Variants in RAD52 observed in about 807,000 individuals in gnomAD.
RAD52 encodes RAD52 DNA repair protein.
A neutral mutation model predicts 55.5 loss-of-function variants in RAD52; 47 were observed. The ratio of observed to expected loss-of-function variants is 0.85; its 90% confidence interval spans 0.67 to 1.08. The LOEUF is 1.08. RAD52 is among the 50% of genes least tolerant of loss of function. The pLI is 0.00. For missense variants in RAD52, 468 were observed against 522.8 expected (o/e 0.90, Z 1.02); for synonymous variants, 184 against 198.9 (o/e 0.92, Z 0.63).
chr12:928,997 T>A (rs1957188223), intron 5 of RAD52, among the ~76,000 whole-genome samples: 1 of 152,086 alleles, frequency 6.6e-6, no homozygotes, highest in African/African-American at 2.4e-5. Context: ...CTTGAGTAGC[T>A]AGGACTACAA....
chr12:941,019 T>C (rs1957891764), intron 1 of RAD52, among the ~76,000 whole-genome samples: 1 of 152,048 alleles, frequency 6.6e-6, no homozygotes, highest in Non-Finnish European at 1.5e-5. Context: ...GCTCCAAATT[T>C]CCCAAATTGG....
Position 931,352 on chromosome 12 carries a change from C to T in RAD52, c.85-31G>A, listed in dbSNP as rs780573517. The T allele has an allele frequency of 2.7e-6, 4 of 1,474,014 alleles. No individual in the cohort carries two copies. In the Admixed American group the frequency reaches 5.9e-5, roughly 22 times the overall value. 91.3% of individuals were successfully genotyped at this position (1,474,014 alleles called of 1,614,324 possible). A position where few individuals can be genotyped will look rare whatever the true frequency, so the allele number is the denominator to read the frequency against. ...ACCCCAAAAAAGAAAATTAAATTCA[C>T]ACTTCCACCATTCCTCACATCATTG... On this transcript the variant is annotated intron_variant, in intron 2 of 11. Transcript: ENST00000358495.
chr12:987,431 T>C (rs1470626117), intron 1 of RAD52, among the ~76,000 whole-genome samples: 3 of 152,150 alleles, frequency 2.0e-5, no homozygotes, highest in Admixed American at 2.0e-4. Context: ...TGTCTTGCAT[T>C]ATTTTTTCAA....
At chr12:933,835 G>C (rs1328022036) in intron 1 of RAD52, among the ~76,000 whole-genome samples, 1 of 152,026 alleles carries the variant, frequency 6.6e-6, no homozygotes, top group East Asian at 1.9e-4. Context: ...CAAAACACAG[G>C]TAATGGCCAG....
At chr12:958,840 G>A (rs1328668853) in intron 1 of RAD52, among the ~76,000 whole-genome samples, 1 of 152,138 alleles carries the variant, frequency 6.6e-6, no homozygotes, top group African/African-American at 2.4e-5. Flanking sequence ...GCTTGAGGAG[G>A]TTGGGGGCAT....
rs752246202 is a variant in RAD52 at position 914,014 on chromosome 12, C to T, written c.1075G>A (p.Ala359Thr). 2 of 1,614,062 alleles carry T rather than the reference C, an allele frequency of 1.2e-6. No homozygotes were observed. The highest frequency in any genetic ancestry group is 2.2e-5 in the East Asian group (1 of 44,894). Reference protein sequence around the residue: ...ADPAQTSDTLALNNQMVTQNR... With the variant: ...ADPAQTSDTLTLNNQMVTQNR... ...TGGGTCACCATCTGGTTGTTCAAGGCTAATGTGTCAGAGGTCTGGGCTGGG... is the reference window on the plus strand; with the variant it reads ...TGGGTCACCATCTGGTTGTTCAAGGTTAATGTGTCAGAGGTCTGGGCTGGG... The change falls in exon 11 of 12, where the codon GCC becomes ACC. Residue 359 changes from alanine to threonine, a missense_variant. Coordinates refer to ENST00000358495, the MANE Select transcript of RAD52 (RefSeq NM_134424.4).
intron 1 of RAD52, among the ~76,000 whole-genome samples, chr12:954,861 A>G (rs1312535666): frequency 6.6e-6 from 1 of 152,190 alleles, no homozygotes; most frequent in African/African-American, 2.4e-5. Flanking sequence ...TTAGGGACAT[A>G]TCTAAAGCAT....
intron 1 of RAD52, among the ~76,000 whole-genome samples, chr12:986,886 T>G (rs979614905): frequency 6.6e-6 from 1 of 152,140 alleles, no homozygotes; most frequent in African/African-American, 2.4e-5. Flanking sequence ...TTTCCTGAAT[T>G]GGATCTAGTG....
At chr12:989,867 C>T (rs1460216882) in exon 1 of RAD52, 1 of 152,184 alleles carries the variant, frequency 6.6e-6, no homozygotes, top group Non-Finnish European at 1.5e-5. Flanking sequence ...TGAGAAAGGT[C>T]ATGAAAAATA....
At chr12:942,587 A>C (rs1217261165) in intron 1 of RAD52, among the ~76,000 whole-genome samples, 1 of 152,102 alleles carries the variant, frequency 6.6e-6, no homozygotes, top group African/African-American at 2.4e-5. Flanking sequence ...TCTCTAATAA[A>C]AATACAAAAA....
chr12:914,143 G>A (rs2029865093), intron 10 of RAD52, 22 bp from the exon 11 acceptor site: 4 of 1,586,510 alleles, frequency 2.5e-6, no homozygotes, highest in Non-Finnish European at 3.5e-6. Context: ...AAGGAAAAGT[G>A]CGTCATCAGC....
chr12:966,340 T>C (rs1419753460), intron 1 of RAD52, among the ~76,000 whole-genome samples: 1 of 152,068 alleles, frequency 6.6e-6, no homozygotes, highest in Non-Finnish European at 1.5e-5. Context: ...TTTACTTGAC[T>C]TCCTTATTCC....
At chr12:936,550 T>G (rs1167410054) in intron 1 of RAD52, among the ~76,000 whole-genome samples, 1 of 150,682 alleles carries the variant, frequency 6.6e-6, no homozygotes, top group Non-Finnish European at 1.5e-5. Flanking sequence ...TGGAATGCAG[T>G]GGTGCAATCA....
At chr12:977,128 A>G (rs1958944476) in intron 1 of RAD52, 2 of 152,242 alleles carry the variant, frequency 1.3e-5, no homozygotes, top group South Asian at 4.1e-4. Context: ...AAAAGCACAC[A>G]TGTAAGGAAC....
At chr12:945,929 A>G (rs548345531) in intron 1 of RAD52, among the ~76,000 whole-genome samples, 21 of 151,994 alleles carry the variant, frequency 1.4e-4, no homozygotes, top group Middle Eastern at 3.4e-3. Context: ...AGGTTGAGGC[A>G]GGAGAATCGC....
rs749021653 is a variant in RAD52, at chr12:929,881, C to G, written c.286G>C (p.Val96Leu). ...HSITQQNVDF[V>L]DLNNGKFYVG... is the part of the protein sequence containing the mutation. ...TAGAACTTGCCATTGTTGAGGTCAA[C>G]AAAATCTAGGAGTGGGAAAGAGAGC... Residue 96 changes from valine (V) to leucine (L), a missense_variant, in exon 5 of 12, where the codon GTT (valine) becomes CTT (leucine). Transcript: ENST00000358495. The G allele has an allele frequency of 6.2e-7, 1 of 1,613,702 alleles. No individual in the cohort carries two copies. The highest frequency in any genetic ancestry group is 8.5e-7 in the Non-Finnish European group (1 of 1,179,614).
rs186532695 is a variant in RAD52, at chr12:980,454, C to T, written c.-19+9355G>A. On this transcript the variant is annotated intron_variant, in intron 1 of 11. Coordinates refer to the RAD52 transcript ENST00000430095. ...GATTACAGGTGCCTGCCACCATGCC[C>T]GGCTAATTTTTGTATTTTTAGTAGA... is the stretch of plus-strand genomic sequence containing the variant. Among the ~76,000 whole-genome samples the T allele has an allele frequency of 2.5e-3, 372 of 151,146 alleles. 1 individual carries two copies. The highest frequency in any genetic ancestry group is 6.1e-3 in the Admixed American group (92 of 15,186).
intron 2 of RAD52, 46 bp downstream of exon 2, chr12:932,929 A>G (rs780669824): frequency 5.6e-6 from 8 of 1,431,618 alleles, no homozygotes; most frequent in Non-Finnish European, 7.9e-6. Flanking sequence ...CCCTAACTTT[A>G]CTCACTTCAC....
intron 1 of RAD52, among the ~76,000 whole-genome samples, chr12:944,379 G>A (rs1003078164): frequency 6.6e-6 from 1 of 151,870 alleles, no homozygotes; most frequent in African/African-American, 2.4e-5. Context: ...CGGGCATGGT[G>A]GAGCATGCCG....
Sources: gnomAD v4.1 joint callset for allele counts (sites outside exome capture counted in the v4.1 genomes callset) on GRCh38, gnomAD v4.1.1 for gene constraint, MANE v1.5 for transcripts, NCBI Gene and HGNC (gene_info 2026-07-23, HGNC 2026-07-21) for gene names.